Variants in HDAC9 observed in about 807,000 individuals in gnomAD.
The protein encoded by HDAC9 is histone deacetylase 9.
A neutral mutation model predicts 139.4 loss-of-function variants in HDAC9; 41 were observed. The observed-to-expected ratio is 0.29, with a 90% confidence interval of 0.23 to 0.38. The LOEUF (loss-of-function observed/expected upper bound fraction) is 0.38. Among genes scored for constraint, HDAC9 ranks in the 10% least tolerant of loss-of-function variants. The pLI is 1.00. For missense variants in HDAC9, 1,147 were observed against 1,297.0 expected (o/e 0.88, Z 1.78); for synonymous variants, 517 against 476.2 (o/e 1.09, Z -1.12).
At chr7:18,120,744 G>A (rs561409222) in intron 1 of HDAC9, among the ~76,000 whole-genome samples, 4 of 152,314 alleles carry the variant, frequency 2.6e-5, no homozygotes, top group South Asian at 2.1e-4. Context: ...AGACTTTAGT[G>A]TTGCTCATAC....
chr7:18,804,952 G>A (rs1004592552), intron 17 of HDAC9, among the ~76,000 whole-genome samples: 6 of 152,028 alleles, frequency 3.9e-5, no homozygotes, highest in Non-Finnish European at 5.9e-5. Context: ...CTGCCATCAC[G>A]CCTGGCTAAT....
At chr7:18,590,511 G>A in intron 4 of HDAC9, 25 bp downstream of exon 4, 1 of 1,577,864 alleles carries the variant, frequency 6.3e-7, no homozygotes. Context: ...GGTAAACGAT[G>A]GACTCTCTTT....
At chr7:18,181,305 T>G (rs897271939) in intron 2 of HDAC9, among the ~76,000 whole-genome samples, 1 of 152,236 alleles carries the variant, frequency 6.6e-6, no homozygotes, top group Non-Finnish European at 1.5e-5. Context: ...CAGACACTGT[T>G]CTAGGCAATA....
At chr7:18,170,621 A>C (rs369886727) in intron 2 of HDAC9, among the ~76,000 whole-genome samples, 4 of 152,046 alleles carry the variant, frequency 2.6e-5, no homozygotes, top group Non-Finnish European at 5.9e-5. Flanking sequence ...ATTAATTTTT[A>C]TATAAGGTGT....
intron 7 of HDAC9, among the ~76,000 whole-genome samples, chr7:18,634,141 G>A (rs1024088999): frequency 6.6e-6 from 1 of 151,926 alleles, no homozygotes; most frequent in Non-Finnish European, 1.5e-5. Context: ...CAATAATAAG[G>A]TATAGCCTTA....
intron 1 of HDAC9, among the ~76,000 whole-genome samples, chr7:18,401,046 C>T (rs1475056270): frequency 6.6e-6 from 1 of 152,134 alleles, no homozygotes; most frequent in Non-Finnish European, 1.5e-5. Context: ...TGTTTATGGG[C>T]TTTCTGGAGA....
chr7:18,625,718 G>C (rs1841503279), intron 6 of HDAC9, among the ~76,000 whole-genome samples: 1 of 152,072 alleles, frequency 6.6e-6, no homozygotes, highest in Non-Finnish European at 1.5e-5. Flanking sequence ...GCCGAGGCGA[G>C]TGGATCACCT....
intron 1 of HDAC9, among the ~76,000 whole-genome samples, chr7:18,434,507 C>A (rs1033822835): frequency 1.3e-5 from 2 of 151,672 alleles, no homozygotes; most frequent in African/African-American, 4.8e-5. Flanking sequence ...CAACAAAGGT[C>A]TAATATCCAG....
At chr7:18,086,866 C>G (rs1454732200), upstream of HDAC9, 1 of 147,602 alleles carries the variant, frequency 6.8e-6, no homozygotes, top group Non-Finnish European at 1.5e-5. Context: ...GCTCGCAGCT[C>G]GCAGCCGCCC....
At chr7:18,925,698 A>G (rs1585324737) in intron 22 of HDAC9, among the ~76,000 whole-genome samples, 1 of 151,702 alleles carries the variant, frequency 6.6e-6, no homozygotes, top group East Asian at 1.9e-4. Flanking sequence ...GAAAGACTTG[A>G]GCCTTTTTCA....
At chr7:18,844,963 T>C (rs961276547) in intron 21 of HDAC9, among the ~76,000 whole-genome samples, 1 of 152,130 alleles carries the variant, frequency 6.6e-6, no homozygotes, top group Admixed American at 6.6e-5. Context: ...ATGGCTTCCT[T>C]TCCGGTAAAT....
intron 17 of HDAC9, among the ~76,000 whole-genome samples, chr7:18,814,478 T>G (rs1420266094): frequency 1.3e-5 from 2 of 152,292 alleles, no homozygotes; most frequent in Middle Eastern, 3.4e-3. Context: ...TTGTTTGGCT[T>G]TTTTGATACC....
chr7:18,671,934 T>C (rs1795698989), intron 12 of HDAC9, among the ~76,000 whole-genome samples: 1 of 152,078 alleles, frequency 6.6e-6, no homozygotes, highest in African/African-American at 2.4e-5. Context: ...CTTGTATGGC[T>C]ATACAACATT....
chr7:18,631,871 C>G (rs1248522795), intron 7 of HDAC9, among the ~76,000 whole-genome samples: 1 of 151,984 alleles, frequency 6.6e-6, no homozygotes, highest in Non-Finnish European at 1.5e-5. Flanking sequence ...GCTATCTTCT[C>G]CCAGATCCCA....
chr7:18,601,136 C>G (rs1833828987), intron 6 of HDAC9, among the ~76,000 whole-genome samples: 1 of 152,170 alleles, frequency 6.6e-6, no homozygotes. Context: ...TTTAGATTTT[C>G]TTTGATTTCT....
intron 21 of HDAC9, among the ~76,000 whole-genome samples, chr7:18,859,672 G>A (rs527915071): frequency 2.6e-5 from 4 of 151,440 alleles, no homozygotes; most frequent in Admixed American, 6.6e-5. Context: ...AGGATGTCAT[G>A]CTGTAATTTG....
intron 2 of HDAC9, among the ~76,000 whole-genome samples, chr7:18,528,306 G>C (rs1384082258): frequency 6.6e-6 from 1 of 151,300 alleles, no homozygotes; most frequent in South Asian, 2.1e-4. Flanking sequence ...TCAGAAAATA[G>C]ATTTTGGAGC....
chr7:18,864,011 A>G (rs1349497528), intron 21 of HDAC9, among the ~76,000 whole-genome samples: 1 of 152,194 alleles, frequency 6.6e-6, no homozygotes, highest in African/African-American at 2.4e-5. Context: ...GCTGGATCAT[A>G]TGGCATTTGT....
intron 1 of HDAC9, among the ~76,000 whole-genome samples, chr7:18,291,042 A>G (rs1241193125): frequency 6.6e-6 from 1 of 152,206 alleles, no homozygotes; most frequent in Non-Finnish European, 1.5e-5. Context: ...TTCAACAGCT[A>G]TGACTTCAGA....
Sources: allele counts gnomAD v4.1 joint callset (sites outside exome capture counted in the v4.1 genomes callset), GRCh38; gene constraint gnomAD v4.1.1; transcripts MANE v1.5; gene names NCBI Gene and HGNC (gene_info 2026-07-23, HGNC 2026-07-21).